Variants in SLC24A2 observed in about 807,000 individuals in gnomAD.
The protein encoded by SLC24A2 is solute carrier family 24 member 2, also known as sodium/potassium/calcium exchanger 2.
Under a neutral mutation model 62.0 loss-of-function variants are expected in SLC24A2, and 36 were observed. The ratio of observed to expected loss-of-function variants is 0.58; its 90% CI spans 0.44 to 0.77. The LOEUF is 0.77. Among genes scored for constraint, SLC24A2 ranks in the 30% least tolerant of loss-of-function variants. The probability of loss-of-function intolerance (pLI) is 0.00; values close to 1 mark genes in which losing one functional copy is unlikely to be tolerated. For synonymous variants in SLC24A2, 358 were observed against 294.0 expected (o/e 1.22, Z -2.23); for missense variants, 846 against 817.9 (o/e 1.03, Z -0.42).
intron 2 of SLC24A2, among the ~76,000 whole-genome samples, chr9:19,651,839 G>C (rs1407319113): frequency 2.0e-5 from 3 of 152,176 alleles, no homozygotes; most frequent in Non-Finnish European, 2.9e-5. Flanking sequence ...ATTCTTACAG[G>C]TTTCTCTATG....
chr9:19,916,181 G>A, the SLC24A2 span, among the ~76,000 whole-genome samples: 499 of 152,004 alleles, frequency 3.3e-3, 5 homozygotes, highest in African/African-American at 0.012. Context: ...CTCATTTAGT[G>A]GTCTTGGAAT....
At chr9:19,895,209 G>C in the SLC24A2 span, among the ~76,000 whole-genome samples, 2 of 151,530 alleles carry the variant, frequency 1.3e-5, no homozygotes, top group African/African-American at 4.8e-5. Flanking sequence ...GAAATCAGCA[G>C]CTTAACCAAG....
intron 2 of SLC24A2, among the ~76,000 whole-genome samples, chr9:19,622,605 T>C (rs958099134): frequency 1.3e-5 from 2 of 152,222 alleles, no homozygotes; most frequent in African/African-American, 4.8e-5. Flanking sequence ...TATGTGATCA[T>C]TAAAATGAAT....
the SLC24A2 span, among the ~76,000 whole-genome samples, chr9:20,155,130 G>GAAA: frequency 1.8e-5 from 2 of 112,554 alleles, no homozygotes; most frequent in African/African-American, 3.1e-5. Context: ...TGCCCAACTG[G>GAAA]AAAAAAAAAA....
At chr9:19,773,116 C>G (rs949672075) in intron 2 of SLC24A2, among the ~76,000 whole-genome samples, 1 of 152,132 alleles carries the variant, frequency 6.6e-6, no homozygotes, top group Admixed American at 6.5e-5. Flanking sequence ...ATAGGCAAAT[C>G]TATACTGACA....
chr9:19,768,959 G>T (rs1052764355), intron 2 of SLC24A2, among the ~76,000 whole-genome samples: 3 of 152,088 alleles, frequency 2.0e-5, no homozygotes, highest in African/African-American at 7.2e-5. Context: ...ATTCCTGGGT[G>T]ATTTTATTCC....
At chr9:19,966,481 C>A in the SLC24A2 span, among the ~76,000 whole-genome samples, 1 of 152,026 alleles carries the variant, frequency 6.6e-6, no homozygotes, top group Non-Finnish European at 1.5e-5. Context: ...GCTAAAGCTA[C>A]CAAAAATTAA....
the SLC24A2 span, among the ~76,000 whole-genome samples, chr9:20,122,969 G>C: frequency 1.3e-5 from 2 of 152,148 alleles, no homozygotes; most frequent in Non-Finnish European, 2.9e-5. Context: ...TTAAAGACCA[G>C]CAACATCTAC....
chr9:20,149,950 C>G, the SLC24A2 span, among the ~76,000 whole-genome samples: 9 of 152,022 alleles, frequency 5.9e-5, no homozygotes, highest in Non-Finnish European at 1.3e-4. Context: ...ATTCTCTGTT[C>G]TTTCCCTAGG....
At chr9:20,298,008 G>A in the SLC24A2 span, among the ~76,000 whole-genome samples, 1 of 152,166 alleles carries the variant, frequency 6.6e-6, no homozygotes, top group Non-Finnish European at 1.5e-5. Context: ...AAGCACTGGT[G>A]GAGGCAAACT....
the SLC24A2 span, among the ~76,000 whole-genome samples, chr9:20,230,811 G>C: frequency 6.6e-6 from 1 of 152,120 alleles, no homozygotes. Context: ...CCTTGCCCAT[G>C]CCTATGTCCT....
intron 8 of SLC24A2, among the ~76,000 whole-genome samples, chr9:19,530,834 TAA>T (rs1183102063): frequency 1.3e-5 from 2 of 152,164 alleles, no homozygotes; most frequent in African/African-American, 4.8e-5. Flanking sequence ...TAGAGGTAGA[TAA>T]AGTCTGAGAA....
At chr9:20,107,630 C>T in the SLC24A2 span, among the ~76,000 whole-genome samples, 3 of 152,112 alleles carry the variant, frequency 2.0e-5, no homozygotes, top group Admixed American at 1.3e-4. Context: ...GCTGGGAAAA[C>T]TGGCTAGCCA....
At chr9:19,764,883 T>C (rs893134996) in intron 2 of SLC24A2, among the ~76,000 whole-genome samples, 9 of 152,126 alleles carry the variant, frequency 5.9e-5, no homozygotes, top group Non-Finnish European at 1.3e-4. Context: ...GATCTAATAT[T>C]GACAGTGGGG....
chr9:19,886,743 G>C, the SLC24A2 span, among the ~76,000 whole-genome samples: 1 of 152,104 alleles, frequency 6.6e-6, no homozygotes, highest in Non-Finnish European at 1.5e-5. Context: ...TTATAAAGAT[G>C]CATGCACATG....
At chr9:19,573,243 T>C in intron 7 of SLC24A2, 108 bp downstream of exon 7, 7 of 778,184 alleles carry the variant, frequency 9.0e-6, no homozygotes, top group South Asian at 5.6e-5. Context: ...ACCTGATTCC[T>C]GCCCAGCTGA....
chr9:19,863,247 T>C, the SLC24A2 span, among the ~76,000 whole-genome samples: 1 of 152,002 alleles, frequency 6.6e-6, no homozygotes, highest in Admixed American at 6.6e-5. Flanking sequence ...ATAAAGCAAA[T>C]ATTATCATAG....
the SLC24A2 span, among the ~76,000 whole-genome samples, chr9:20,055,202 A>G: frequency 9.2e-5 from 14 of 152,320 alleles, no homozygotes; most frequent in African/African-American, 3.4e-4. Flanking sequence ...GAACCAGTTA[A>G]ATAAATAGCT....
At chr9:20,230,071 T>G in the SLC24A2 span, among the ~76,000 whole-genome samples, 2 of 152,174 alleles carry the variant, frequency 1.3e-5, no homozygotes, top group Admixed American at 1.3e-4. Flanking sequence ...ACTCATCATT[T>G]TTTATGGCTG....
Sources: allele counts gnomAD v4.1 joint callset (sites outside exome capture counted in the v4.1 genomes callset), GRCh38; gene constraint gnomAD v4.1.1; transcripts MANE v1.5; gene names NCBI Gene and HGNC (gene_info 2026-07-23, HGNC 2026-07-21).